Variants in CHN2 observed in about 807,000 individuals in gnomAD.
The protein encoded by CHN2 is beta-chimaerin.
A neutral mutation model predicts 56.3 loss-of-function variants in CHN2; 35 were observed. The ratio of observed to expected loss-of-function variants is 0.62; its 90% confidence interval spans 0.47 to 0.82. The LOEUF is 0.82. Among genes scored for constraint, CHN2 ranks in the 40% least tolerant of loss-of-function variants. CHN2 has a pLI of 0.00. For synonymous variants in CHN2, 210 were observed against 212.8 expected (o/e 0.99, Z 0.12); for missense variants, 491 against 580.5 (o/e 0.85, Z 1.58).
intron 1 of CHN2, among the ~76,000 whole-genome samples, chr7:29,218,183 C>T (rs1024402369): frequency 6.6e-6 from 1 of 150,524 alleles, no homozygotes; most frequent in Non-Finnish European, 1.5e-5. Context: ...CCCTCCCACC[C>T]ATCTCCCACC....
chr7:29,173,018 C>A (rs1418302659), intron 2 of CHN2, among the ~76,000 whole-genome samples: 8 of 151,778 alleles, frequency 5.3e-5, no homozygotes, highest in Admixed American at 5.3e-4. Flanking sequence ...GTAATCCCAG[C>A]CACTCAGGAG....
intron 1 of CHN2, chr7:29,195,204 G>A: frequency 2.0e-6 from 1 of 492,324 alleles, no homozygotes; most frequent in East Asian, 3.6e-5. Context: ...AGGTGGGAGA[G>A]CGGTGGTGCC....
chr7:29,430,211 G>A lies in CHN2; in HGVS notation c.576+29383G>A, dbSNP rs566827167. ...CCAAGATATGGTGGTTTCAGGATGC[G>A]TTGGAGCTGATGGTTTTGTCATGGA... On this transcript the variant is annotated intron_variant, in intron 6 of 12. Transcript: ENST00000222792. Among the ~76,000 whole-genome samples the A allele has an allele frequency of 3.3e-5, 5 of 152,294 alleles. No homozygotes were observed. The East Asian group carries it at 5.8e-4, about 18-fold the overall frequency.
At chr7:29,210,695 G>A (rs1784847346) in intron 1 of CHN2, among the ~76,000 whole-genome samples, 1 of 152,028 alleles carries the variant, frequency 6.6e-6, no homozygotes, top group Admixed American at 6.6e-5. Context: ...AATAAAGCAG[G>A]AAGGGAGACA....
chr7:29,340,429 G>T (rs1344548929), intron 1 of CHN2, among the ~76,000 whole-genome samples: 1 of 152,066 alleles, frequency 6.6e-6, no homozygotes, highest in African/African-American at 2.4e-5. Flanking sequence ...TAGCAGCCCT[G>T]AACAAACAAA....
chr7:29,151,891 G>T (rs245893), intron 2 of CHN2, among the ~76,000 whole-genome samples: 2 of 152,078 alleles, frequency 1.3e-5, no homozygotes, highest in African/African-American at 2.4e-5. Context: ...ATAGCAAGCA[G>T]GTCATTCACT....
chr7:29,265,321 G>A (rs1038322925), intron 1 of CHN2, among the ~76,000 whole-genome samples: 2 of 152,064 alleles, frequency 1.3e-5, no homozygotes, highest in Admixed American at 1.3e-4. Flanking sequence ...TTACTCATTG[G>A]ATTTGCTATC....
At chr7:29,277,024 G>T (rs371016298) in intron 1 of CHN2, among the ~76,000 whole-genome samples, 2 of 152,218 alleles carry the variant, frequency 1.3e-5, no homozygotes, top group East Asian at 3.9e-4. Flanking sequence ...GATTTAGTGG[G>T]TTACCACATG....
intron 2 of CHN2, among the ~76,000 whole-genome samples, chr7:29,163,304 G>A (rs181675029): frequency 1.6e-4 from 24 of 151,910 alleles, no homozygotes; most frequent in African/African-American, 3.6e-4. Context: ...AAAATACTTC[G>A]CTTATAGTTT....
At chr7:29,167,401 G>A (rs564761483) in intron 2 of CHN2, among the ~76,000 whole-genome samples, 41 of 152,050 alleles carry the variant, frequency 2.7e-4, no homozygotes, top group African/African-American at 9.6e-4. Context: ...CACTATCTGC[G>A]GACATGAGAG....
Position 29,479,997 on chromosome 7 carries a change from G to A in CHN2, c.577-282G>A, listed in dbSNP as rs111657467. 2.7e-4 allele frequency: 400 copies of A among 1,489,978 alleles called. 1 individual carries two copies. In the African/African-American group the frequency reaches 4.5e-3, roughly 17 times the overall value. 92.3% of individuals were successfully genotyped at this position (1,489,978 alleles called of 1,614,324 possible). ...ACATGCCGGAGGCTGCTGCAGACAG[G>A]ACCCAGCTGCCTCAAATCTGCCGCC... On this transcript the variant is annotated intron_variant, in intron 6 of 12. Coordinates refer to ENST00000222792, the MANE Select transcript of CHN2 (RefSeq NM_004067.4).
intron 7 of CHN2, among the ~76,000 whole-genome samples, chr7:29,492,566 T>C (rs1788779301): frequency 6.6e-6 from 1 of 152,192 alleles, no homozygotes; most frequent in Non-Finnish European, 1.5e-5. Flanking sequence ...TCTTACCTAT[T>C]GTATCAAGTT....
At chr7:29,300,530 C>T (rs1283937402) in intron 1 of CHN2, among the ~76,000 whole-genome samples, 1 of 152,098 alleles carries the variant, frequency 6.6e-6, no homozygotes, top group Non-Finnish European at 1.5e-5. Context: ...ATGCTATTTT[C>T]TACTTCTAAT....
chr7:29,404,660 G>A (rs1360540190), intron 6 of CHN2, among the ~76,000 whole-genome samples: 1 of 152,114 alleles, frequency 6.6e-6, no homozygotes, highest in Admixed American at 6.5e-5. Flanking sequence ...AGTGTGGTGT[G>A]TGGAGTATGG....
chr7:29,342,674 C>A (rs1371923842), intron 1 of CHN2, among the ~76,000 whole-genome samples: 1 of 152,148 alleles, frequency 6.6e-6, no homozygotes, highest in Non-Finnish European at 1.5e-5. Context: ...TAAGAGCTAA[C>A]CTCTTCAGGA....
At position 29,223,112 on chromosome 7, in the gene CHN2, C is replaced by G. The variant is rs184466262; in HGVS notation, c.49+28122C>G. Among the ~76,000 whole-genome samples, 288 of 152,234 alleles carry G rather than the reference C, an allele frequency of 1.9e-3. 3 individuals are homozygous for G. Among genetic ancestry groups the G allele is most frequent in the Non-Finnish European group, 4.3e-4 (29 of 67,994 alleles). On this transcript the variant is annotated intron_variant, in intron 1 of 12. Coordinates refer to ENST00000222792, the MANE Select transcript of CHN2 (RefSeq NM_004067.4). ...TGTAAACATAAAAAGATGCTCAACA[C>G]TATTAGTCATGAGAGAAATGCAAAT...
Position 29,338,440 on chromosome 7 carries a change from G to A in CHN2, c.50-16185G>A, listed in dbSNP as rs554838679. Among the ~76,000 whole-genome samples the A allele has an allele frequency of 2.8e-3, 433 of 152,314 alleles. 3 individuals are homozygous for A. The highest frequency in any genetic ancestry group is 0.01 in the African/African-American group (421 of 41,560). On this transcript the variant is annotated intron_variant, in intron 1 of 12. Coordinates refer to ENST00000222792, the MANE Select transcript of CHN2 (RefSeq NM_004067.4). ...AGTATGCTTTTCAGATCCGGACAAT[G>A]CTAGATTTGAATATTCAGCTTCACT...
chr7:29,404,446 C>G (rs529092848), intron 6 of CHN2, among the ~76,000 whole-genome samples: 1 of 152,106 alleles, frequency 6.6e-6, no homozygotes, highest in African/African-American at 2.4e-5. Flanking sequence ...ATATATTATA[C>G]CAGTTTATCC....
intron 6 of CHN2, among the ~76,000 whole-genome samples, chr7:29,468,722 T>A (rs1223471374): frequency 1.3e-5 from 2 of 152,154 alleles, no homozygotes; most frequent in Non-Finnish European, 2.9e-5. Context: ...AAACTGCTCC[T>A]GTCAAGATGA....
Sources: gnomAD v4.1 joint callset for allele counts (sites outside exome capture counted in the v4.1 genomes callset) on GRCh38, gnomAD v4.1.1 for gene constraint, MANE v1.5 for transcripts, NCBI Gene and HGNC (gene_info 2026-07-23, HGNC 2026-07-21) for gene names.